The following HYDIN variants were observed in gnomAD, a reference collection of about 807,000 sequenced individuals.
HYDIN encodes the protein HYDIN axonemal central pair apparatus protein.
In HYDIN, 132 loss-of-function variants were observed where a neutral mutation model predicts 403.9. The observed-to-expected ratio is 0.33, with a 90% CI of 0.28 to 0.38. HYDIN has a LOEUF of 0.38. Ranked by LOEUF, HYDIN falls within the 10% of genes least tolerant of loss-of-function variation. The probability of loss-of-function intolerance (pLI) is 1.00; values close to 1 mark genes in which losing one functional copy is unlikely to be tolerated. For missense variants in HYDIN, 2,827 were observed against 5,009.5 expected, an observed-to-expected ratio of 0.56 and a Z score of 13.15; for synonymous variants, 1,202 against 1,891.7, an observed-to-expected ratio of 0.64 and a Z score of 9.46.
At chr16:71,027,361 A>C (rs1597583625) in intron 20 of HYDIN, 1 of 1,405,400 alleles carries the variant, frequency 7.1e-7, no homozygotes, top group African/African-American at 1.4e-5. Flanking sequence ...GTCACTGTGG[A>C]CCCTGGGCAT....
intron 23 of HYDIN, among the ~76,000 whole-genome samples, chr16:70,996,468 T>G (rs918349921): frequency 1.3e-5 from 2 of 151,768 alleles, no homozygotes; most frequent in African/African-American, 4.8e-5. Flanking sequence ...TCAGAGGGCT[T>G]GGGTTTGAAT....
chr16:71,049,189 G>C (rs1160247164), intron 18 of HYDIN, among the ~76,000 whole-genome samples: 1 of 152,268 alleles, frequency 6.6e-6, no homozygotes, highest in Non-Finnish European at 1.5e-5. Flanking sequence ...GAGGCAGCTT[G>C]AGAAAGAAAA....
At chr16:70,840,554 G>A (rs1004969073) in intron 75 of HYDIN, among the ~76,000 whole-genome samples, 1 of 152,194 alleles carries the variant, frequency 6.6e-6, no homozygotes, top group African/African-American at 2.4e-5. Flanking sequence ...CTGATTGGAT[G>A]CCCATGTGCC....
chr16:70,954,654 C>A (rs1567898371), intron 40 of HYDIN, among the ~76,000 whole-genome samples: 1 of 152,162 alleles, frequency 6.6e-6, no homozygotes, highest in Non-Finnish European at 1.5e-5. Flanking sequence ...CAATTCTCCA[C>A]CATGCAGCTG....
rs539038072 is a variant in HYDIN at position 70,802,562 on chromosome 16, C to T, written c.*5018G>A. On this transcript the variant is annotated 3_prime_UTR_variant, in exon 86 of 86. Transcript: ENST00000393567. ...GAGGGTCCTTGGAAGCAGATCTTTC[C>T]CTAGTTGAGCCTCCTGATGAGGATG... 6.6e-6 allele frequency: 1 copy of T among 152,244 alleles called. No individual in the cohort carries two copies. Among genetic ancestry groups the T allele is most frequent in the South Asian group, 2.1e-4 (1 of 4,826 alleles). 9.4% of individuals were successfully genotyped at this position (152,244 alleles called of 1,614,324 possible).
intron 83 of HYDIN, among the ~76,000 whole-genome samples, chr16:70,825,714 C>T (rs1334032613): frequency 6.6e-6 from 1 of 151,450 alleles, no homozygotes; most frequent in Non-Finnish European, 1.5e-5. Flanking sequence ...CCCAACCCAT[C>T]CTCTCCAGCC....
chr16:71,222,156 T>C (rs943690111), intron 1 of HYDIN, among the ~76,000 whole-genome samples: 1 of 152,136 alleles, frequency 6.6e-6, no homozygotes, highest in African/African-American at 2.4e-5. Context: ...GTGGGTTTCA[T>C]CCCAGGAATG....
intron 60 of HYDIN, among the ~76,000 whole-genome samples, chr16:70,880,514 C>T (rs1045953150): frequency 1.3e-5 from 2 of 151,990 alleles, no homozygotes; most frequent in Non-Finnish European, 2.9e-5. Flanking sequence ...TTCTAAAGGG[C>T]GGACTTCAGG....
chr16:71,136,458 A>G (rs574164274), intron 8 of HYDIN, among the ~76,000 whole-genome samples: 8 of 152,066 alleles, frequency 5.3e-5, no homozygotes, highest in Middle Eastern at 6.8e-3. Flanking sequence ...ATTTTTAGGA[A>G]CGCTTTATAA....
Position 70,936,115 on chromosome 16 carries a change from CT to C in HYDIN, c.6996-2del. On this transcript the variant is annotated splice_acceptor_variant, in intron 44 of 85. Coordinates refer to ENST00000393567, the MANE Select transcript of HYDIN (RefSeq NM_001270974.2). LOFTEE classifies it high-confidence loss of function. ...TTCCTTTGCCAGCCTCTCCTGCTCC[CT>C]TCATCAAACCAGGCAGAGAAAAAAC... is the stretch of plus-strand genomic sequence containing the variant. 1 of 743,852 alleles carries C rather than the reference CT, an allele frequency of 1.3e-6. No homozygotes were observed. 46.1% of individuals were successfully genotyped at this position (743,852 alleles called of 1,614,324 possible).
At chr16:71,176,685 A>T (rs1287137841) in intron 4 of HYDIN, among the ~76,000 whole-genome samples, 1 of 152,214 alleles carries the variant, frequency 6.6e-6, no homozygotes, top group African/African-American at 2.4e-5. Flanking sequence ...GTCTCAGAGC[A>T]GCTCCCAACA....
At chr16:71,208,206 T>C (rs971596331) in intron 1 of HYDIN, among the ~76,000 whole-genome samples, 5 of 152,028 alleles carry the variant, frequency 3.3e-5, no homozygotes, top group Non-Finnish European at 7.4e-5. Flanking sequence ...AAAAACGAAA[T>C]CATACTGACC....
intron 3 of HYDIN, among the ~76,000 whole-genome samples, chr16:71,179,505 T>C (rs1450398765): frequency 6.6e-6 from 1 of 152,220 alleles, no homozygotes; most frequent in African/African-American, 2.4e-5. Context: ...AGAAGAGAAT[T>C]TCTCTTAGAA....
At chr16:71,229,850 C>T (rs1194842430) in intron 1 of HYDIN, among the ~76,000 whole-genome samples, 1 of 152,142 alleles carries the variant, frequency 6.6e-6, no homozygotes, top group Non-Finnish European at 1.5e-5. Flanking sequence ...TGTGTCCCCA[C>T]CCAAATATCA....
intron 9 of HYDIN, among the ~76,000 whole-genome samples, chr16:71,126,458 G>C (rs950246178): frequency 1.3e-5 from 2 of 152,106 alleles, no homozygotes; most frequent in African/African-American, 2.4e-5. Flanking sequence ...GGTCAGGAAG[G>C]AATCATTGGT....
At chr16:71,207,246 A>G (rs2088347020) in intron 1 of HYDIN, among the ~76,000 whole-genome samples, 2 of 152,232 alleles carry the variant, frequency 1.3e-5, no homozygotes, top group African/African-American at 4.8e-5. Flanking sequence ...AAACCCTATA[A>G]GCCAGAAGAG....
Position 70,818,372 on chromosome 16 carries a change from G to A in HYDIN, c.14628C>T (p.Pro4876=). 2 of 1,613,650 alleles carry A rather than the reference G, an allele frequency of 1.2e-6. No homozygotes were observed. Among genetic ancestry groups the A allele is most frequent in the Non-Finnish European group, 8.5e-7 (1 of 1,179,754 alleles). ...TECRMPDIAL[P]SQFVVPANSE... The stretch of plus-strand genomic sequence containing the variant: ...AGTTGGCAGGCACCACAAACTGGGA[G>A]GGCAGGGCGATGTCGGGCATCCGGC... Residue 4876 remains proline (P), a synonymous_variant, in exon 84 of 86, where the codon CCC becomes CCT. Coordinates refer to ENST00000393567, the MANE Select transcript of HYDIN (RefSeq NM_001270974.2).
chr16:71,102,386 C>T (rs1244047417), intron 10 of HYDIN, among the ~76,000 whole-genome samples: 1 of 151,992 alleles, frequency 6.6e-6, no homozygotes, highest in African/African-American at 2.4e-5. Context: ...GAAATGTTAA[C>T]TAATACATTT....
intron 39 of HYDIN, among the ~76,000 whole-genome samples, chr16:70,956,952 T>C (rs537996995): frequency 1.3e-5 from 2 of 148,318 alleles, no homozygotes; most frequent in South Asian, 2.2e-4. Flanking sequence ...AATACACTTG[T>C]ATGACACTGT....
Sources: gnomAD v4.1 joint callset for allele counts (sites outside exome capture counted in the v4.1 genomes callset) on GRCh38, gnomAD v4.1.1 for gene constraint, MANE v1.5 for transcripts, NCBI Gene and HGNC (gene_info 2026-07-23, HGNC 2026-07-21) for gene names.